Variants in CDH4 observed in about 807,000 individuals in gnomAD.
CDH4 encodes cadherin 4.
Under a neutral mutation model 86.0 loss-of-function variants are expected in CDH4, and 33 were observed. The ratio of observed to expected loss-of-function variants is 0.38; its 90% CI spans 0.29 to 0.51. The LOEUF (loss-of-function observed/expected upper bound fraction) is 0.51. Among genes scored for constraint, CDH4 ranks in the 20% least tolerant of loss-of-function variants. The pLI, the probability that CDH4 is intolerant of heterozygous loss-of-function variation, is 0.86. For synonymous variants in CDH4, 555 were observed against 549.4 expected, an observed-to-expected ratio of 1.01 and a Z score of -0.14; for missense variants, 1,114 against 1,307.4, an observed-to-expected ratio of 0.85 and a Z score of 2.28.
At chr20:61,403,223 C>G (rs2085059643) in intron 2 of CDH4, among the ~76,000 whole-genome samples, 1 of 152,198 alleles carries the variant, frequency 6.6e-6, no homozygotes, top group Admixed American at 6.5e-5. Context: ...GGAGGCGGGT[C>G]TTGATCTTTG....
At chr20:61,917,227 G>C (rs1321904078) in intron 9 of CDH4, among the ~76,000 whole-genome samples, 4 of 152,166 alleles carry the variant, frequency 2.6e-5, no homozygotes, top group African/African-American at 4.8e-5. Flanking sequence ...CCTGAGGTGG[G>C]CACACAGCTT....
At chr20:61,579,380 G>C (rs1027920982) in intron 2 of CDH4, among the ~76,000 whole-genome samples, 3 of 146,806 alleles carry the variant, frequency 2.0e-5, no homozygotes, top group African/African-American at 5.0e-5. Flanking sequence ...TCCTCCTCCC[G>C]GGTTCAAGTG....
At chr20:61,522,670 G>T (rs945638975) in intron 2 of CDH4, among the ~76,000 whole-genome samples, 1 of 152,194 alleles carries the variant, frequency 6.6e-6, no homozygotes, top group Non-Finnish European at 1.5e-5. Flanking sequence ...GGCGCAGTCC[G>T]GGTGGGAGCC....
At chr20:61,446,936 A>G (rs1251355418) in intron 2 of CDH4, among the ~76,000 whole-genome samples, 1 of 152,018 alleles carries the variant, frequency 6.6e-6, no homozygotes, top group Non-Finnish European at 1.5e-5. Context: ...CCAATTGTTT[A>G]TTGGTCATTA....
intron 2 of CDH4, among the ~76,000 whole-genome samples, chr20:61,489,805 G>A (rs990250071): frequency 2.0e-5 from 3 of 152,188 alleles, no homozygotes; most frequent in African/African-American, 7.2e-5. Flanking sequence ...CAGTTTGAGA[G>A]CCTCAGAGTC....
chr20:61,797,164 G>A (rs776514450), intron 4 of CDH4, among the ~76,000 whole-genome samples: 25 of 152,214 alleles, frequency 1.6e-4, no homozygotes, highest in South Asian at 8.3e-4. Context: ...CAATAATGCC[G>A]TTGCCAAGTC....
intron 4 of CDH4, among the ~76,000 whole-genome samples, chr20:61,838,975 A>G (rs544822510): frequency 6.6e-6 from 1 of 152,336 alleles, no homozygotes; most frequent in African/African-American, 2.4e-5. Context: ...GGCACCATCC[A>G]GAGCTTTTAC....
At chr20:61,704,921 C>T (rs568677928) in intron 2 of CDH4, among the ~76,000 whole-genome samples, 1 of 152,190 alleles carries the variant, frequency 6.6e-6, no homozygotes, top group African/African-American at 2.4e-5. Context: ...ATTCCAGAAC[C>T]AGGGATATAG....
intron 5 of CDH4, among the ~76,000 whole-genome samples, chr20:61,848,400 C>T (rs1339788164): frequency 2.0e-5 from 3 of 152,252 alleles, no homozygotes; most frequent in Non-Finnish European, 2.9e-5. Context: ...GAGACAGGGT[C>T]TCGCTCTGTC....
intron 2 of CDH4, among the ~76,000 whole-genome samples, chr20:61,687,282 G>C (rs527729482): frequency 6.6e-6 from 1 of 152,332 alleles, no homozygotes; most frequent in South Asian, 2.1e-4. Context: ...GACAGTGTCT[G>C]CTCTTCCCCT....
intron 3 of CDH4, among the ~76,000 whole-genome samples, chr20:61,757,810 C>T (rs2088583689): frequency 6.6e-6 from 1 of 152,178 alleles, no homozygotes; most frequent in Admixed American, 6.5e-5. Flanking sequence ...GCGAGTGGTA[C>T]AGACTCTGTG....
At chr20:61,865,485 C>A (rs997568252) in intron 6 of CDH4, among the ~76,000 whole-genome samples, 1 of 151,454 alleles carries the variant, frequency 6.6e-6, no homozygotes, top group African/African-American at 2.4e-5. Flanking sequence ...TAGATGATAC[C>A]TGGCATCCTG....
intron 2 of CDH4, among the ~76,000 whole-genome samples, chr20:61,286,000 T>C (rs2427027): frequency 0.96 from 146,633 of 152,254 alleles, 70,818 homozygotes; most frequent in East Asian, 1. Flanking sequence ...TTCTTTTCCT[T>C]CCCCCTTCCT....
intron 2 of CDH4, among the ~76,000 whole-genome samples, chr20:61,374,770 C>T (rs1484801356): frequency 1.3e-5 from 2 of 152,112 alleles, no homozygotes; most frequent in East Asian, 1.9e-4. Flanking sequence ...AGTGGGGGTC[C>T]GACATGCCTC....
chr20:61,900,858 T>C (rs551425376), intron 8 of CDH4, among the ~76,000 whole-genome samples: 1 of 152,338 alleles, frequency 6.6e-6, no homozygotes, highest in East Asian at 1.9e-4. Flanking sequence ...CTGATGGGTG[T>C]GTGAGGACCG....
rs527560412 is a variant in CDH4 at position 61,785,380 on chromosome 20, A to T, written c.576+12198A>T. 2.0e-5 allele frequency among the ~76,000 whole-genome samples: 3 copies of T among 152,130 alleles called. No homozygotes were observed. The South Asian group carries it at 6.2e-4, about 32-fold the overall frequency. On this transcript the variant is annotated intron_variant, in intron 4 of 15. Coordinates refer to ENST00000614565, the MANE Select transcript of CDH4 (RefSeq NM_001794.5). The stretch of plus-strand genomic sequence containing the variant: ...CCCTGTCTGTGTCCCAGCCACTAAG[A>T]ATGCAGGCTGGCCCAGAGAATCCCT...
intron 2 of CDH4, among the ~76,000 whole-genome samples, chr20:61,576,287 C>T (rs771957095): frequency 2.6e-5 from 4 of 152,188 alleles, no homozygotes; most frequent in Non-Finnish European, 5.9e-5. Flanking sequence ...CCAGCAGAGC[C>T]ATTAACCCTC....
At chr20:61,933,201 C>A in intron 14 of CDH4, 77 bp downstream of exon 14, 1 of 1,545,968 alleles carries the variant, frequency 6.5e-7, no homozygotes, top group South Asian at 1.2e-5. Context: ...AGGGATTGCC[C>A]TGGGGTTTAA....
At chr20:61,633,379 A>T (rs2086914288) in intron 2 of CDH4, among the ~76,000 whole-genome samples, 1 of 151,806 alleles carries the variant, frequency 6.6e-6, no homozygotes, top group Non-Finnish European at 1.5e-5. Flanking sequence ...GTATCTATTC[A>T]TCTATTCATC....
Sources: gnomAD v4.1 joint callset for allele counts (sites outside exome capture counted in the v4.1 genomes callset) on GRCh38, gnomAD v4.1.1 for gene constraint, MANE v1.5 for transcripts, NCBI Gene and HGNC (gene_info 2026-07-23, HGNC 2026-07-21) for gene names.